Variants in ANKRD26 observed in about 807,000 individuals in gnomAD.
ANKRD26 encodes ankyrin repeat domain-containing protein 26.
Under a neutral mutation model 208.7 loss-of-function variants are expected in ANKRD26, and 141 were observed. That is an observed-to-expected ratio of 0.68 (90% confidence interval 0.59 to 0.78). The LOEUF is 0.78. Ranked by LOEUF, ANKRD26 falls within the 30% of genes least tolerant of loss-of-function variation. The probability of loss-of-function intolerance (pLI) is 0.00; values close to 1 mark genes in which losing one functional copy is unlikely to be tolerated. For synonymous variants in ANKRD26, 636 were observed against 660.4 expected (o/e 0.96, Z 0.57); for missense variants, 1,889 against 1,938.7 (o/e 0.97, Z 0.48).
intron 19 of ANKRD26, 96 bp downstream of exon 19, chr10:27,044,061 T>G: frequency 4.6e-5 from 43 of 925,620 alleles, no homozygotes; most frequent in Middle Eastern, 3.9e-4. Context: ...TCCAAAGTGC[T>G]GAGATTACAG....
At chr10:26,985,034 G>C (rs534553999) in intron 3 of ANKRD26, among the ~76,000 whole-genome samples, 7 of 152,220 alleles carry the variant, frequency 4.6e-5, no homozygotes, top group African/African-American at 1.2e-4. Flanking sequence ...TTTCACATAG[G>C]ATTTTTCCAA....
intron 5 of ANKRD26, among the ~76,000 whole-genome samples, chr10:26,993,355 C>T (rs1055537070): frequency 2.0e-5 from 3 of 152,154 alleles, no homozygotes; most frequent in Non-Finnish European, 4.4e-5. Context: ...TGCCTTGTAA[C>T]GTAATAATGT....
At chr10:27,003,465 C>G (rs1440650501), downstream of ANKRD26, among the ~76,000 whole-genome samples, 3 of 152,208 alleles carry the variant, frequency 2.0e-5, no homozygotes, top group African/African-American at 7.2e-5. Flanking sequence ...AATGCTTTAT[C>G]TTGTGGGTGA....
intron 11 of ANKRD26, among the ~76,000 whole-genome samples, chr10:27,065,169 C>T (rs2055195232): frequency 6.6e-6 from 1 of 152,172 alleles, no homozygotes; most frequent in Admixed American, 6.6e-5. Flanking sequence ...TGATCCCCAT[C>T]CTAACTACAA....
intron 32 of ANKRD26, 95 bp downstream of exon 32, chr10:27,012,787 G>A: frequency 8.0e-7 from 1 of 1,256,616 alleles, no homozygotes; most frequent in Admixed American, 1.8e-5. Context: ...ACTCCAGCCT[G>A]GACAACAGAG....
chr10:27,088,817 T>C (rs1056933774), intron 4 of ANKRD26, among the ~76,000 whole-genome samples: 2 of 152,226 alleles, frequency 1.3e-5, no homozygotes, highest in African/African-American at 4.8e-5. Context: ...TCCCAACTAA[T>C]ATTTGCTAGA....
the ANKRD26 span, among the ~76,000 whole-genome samples, chr10:26,967,237 A>G: frequency 5.9e-5 from 9 of 152,376 alleles, no homozygotes; most frequent in South Asian, 2.1e-4. Context: ...ACATCCTCCC[A>G]TAGCTAAAGG....
Position 27,035,054 on chromosome 10 carries a change from T to C in ANKRD26, c.3396A>G (p.Val1132=). Residue 1132 remains valine, a synonymous_variant, in exon 24 of 34, where the codon GTA becomes GTG. Coordinates refer to ENST00000376087, the MANE Select transcript of ANKRD26 (RefSeq NM_014915.3). The part of the protein sequence containing the change: ...VNKYIGKQES[V]EERLSQLQSE... ...TTTGTAGTTGAGACAATCTCTCCTCTACAGACTCCTGCTTTCCAATGTATT... is the reference window on the plus strand; with the variant it reads ...TTTGTAGTTGAGACAATCTCTCCTCCACAGACTCCTGCTTTCCAATGTATT... The C allele has an allele frequency of 4.3e-6, 7 of 1,613,754 alleles. No homozygotes were observed. Among genetic ancestry groups the C allele is most frequent in the Non-Finnish European group, 5.1e-6 (6 of 1,179,878 alleles).
At chr10:27,091,020 CAA>C (rs1176425753) in intron 4 of ANKRD26, among the ~76,000 whole-genome samples, 3 of 152,054 alleles carry the variant, frequency 2.0e-5, no homozygotes, top group African/African-American at 7.2e-5. Flanking sequence ...TGCTTGAGCC[CAA>C]GAGACAGAGG....
In ANKRD26 at chr10:27,080,918, C is replaced by T. The variant is rs552882187; in HGVS notation, c.741-1757G>A. 7 of 985,280 alleles carry T rather than the reference C, an allele frequency of 7.1e-6. No homozygotes were observed. The Admixed American group carries it at 3.7e-4, about 52-fold the overall frequency. 61.0% of individuals were successfully genotyped at this position (985,280 alleles called of 1,614,324 possible). On this transcript the variant is annotated intron_variant, in intron 6 of 33. Transcript: ENST00000376087. Reference sequence around the variant, plus strand: ...CTACCCTACATGTCCATGAGAAGGACATCAGAGAATTGGGAAAGGAGGCAG... The same window carrying T: ...CTACCCTACATGTCCATGAGAAGGATATCAGAGAATTGGGAAAGGAGGCAG...
exon 6 of ANKRD26, among the ~76,000 whole-genome samples, chr10:26,975,882 A>C (rs2052219705): frequency 1.3e-5 from 2 of 151,718 alleles, no homozygotes; most frequent in South Asian, 2.1e-4. Context: ...ATAAATAATA[A>C]ATAAATGACA....
At chr10:26,995,801 T>TC (rs1291374781) in intron 4 of ANKRD26, among the ~76,000 whole-genome samples, 1 of 152,170 alleles carries the variant, frequency 6.6e-6, no homozygotes, top group African/African-American at 2.4e-5. Context: ...TGAAATATCT[T>TC]CCTGAGGGGA....
At chr10:27,010,480 A>G (rs2053060139) in intron 32 of ANKRD26, among the ~76,000 whole-genome samples, 1 of 152,130 alleles carries the variant, frequency 6.6e-6, no homozygotes, top group South Asian at 2.1e-4. Flanking sequence ...TTAGTAAGTT[A>G]CAGAAGGTTT....
At chr10:27,060,583 G>T in intron 13 of ANKRD26, 43 bp from the exon 14 acceptor site, 2 of 1,363,682 alleles carry the variant, frequency 1.5e-6, no homozygotes, top group South Asian at 2.4e-5. Flanking sequence ...ACATAAATAT[G>T]ACAAAGTCAA....
intron 4 of ANKRD26, among the ~76,000 whole-genome samples, chr10:27,087,493 T>C (rs2056161594): frequency 6.6e-6 from 1 of 152,236 alleles, no homozygotes; most frequent in Non-Finnish European, 1.5e-5. Context: ...TGTTACTAAG[T>C]CCTAATTTTG....
rs201229749 is a variant in ANKRD26, at chr10:27,006,809, T to A, written c.4999+108A>T. 3 of 824,436 alleles carry A rather than the reference T, an allele frequency of 3.6e-6. No homozygotes were observed. In the East Asian group the frequency reaches 7.4e-5, roughly 20 times the overall value. The allele number at this position is 824,436 out of a possible 1,614,324, so 51.1% of individuals were successfully genotyped here. A position where few individuals can be genotyped will look rare whatever the true frequency, so the allele number is the denominator to read the frequency against. ...TGTGTGTAAGAAAGAACATTTAATG[T>A]AGTATCTATTAGCCAAACAATGGAA... On this transcript the variant is annotated intron_variant, in intron 33 of 33. Coordinates refer to ENST00000376087, the MANE Select transcript of ANKRD26 (RefSeq NM_014915.3).
At chr10:27,098,673 G>C (rs1028199312) in intron 1 of ANKRD26, among the ~76,000 whole-genome samples, 3 of 151,432 alleles carry the variant, frequency 2.0e-5, no homozygotes, top group South Asian at 2.1e-4. Flanking sequence ...CTCAGCCTCC[G>C]GAGTAGCTGG....
intron 12 of ANKRD26, among the ~76,000 whole-genome samples, chr10:27,061,663 C>T (rs764768247): frequency 8.6e-5 from 13 of 150,440 alleles, no homozygotes; most frequent in East Asian, 3.9e-4. Flanking sequence ...ACCTCCCAGG[C>T]TCAAGCAATC....
chr10:27,032,646 C>A (rs12781031), intron 25 of ANKRD26, among the ~76,000 whole-genome samples: 14,330 of 143,324 alleles, frequency 0.1, 1,002 homozygotes, highest in East Asian at 0.27. Context: ...AAAAAAAAAA[C>A]AAAAAACAAA....
Sources: allele counts gnomAD v4.1 joint callset (sites outside exome capture counted in the v4.1 genomes callset), GRCh38; gene constraint gnomAD v4.1.1; transcripts MANE v1.5; gene names NCBI Gene and HGNC (gene_info 2026-07-23, HGNC 2026-07-21).